SLC6A3: variants seen among roughly 807,000 people sequenced by gnomAD.
SLC6A3 encodes sodium-dependent dopamine transporter.
In SLC6A3, 19 loss-of-function variants were observed where a neutral mutation model predicts 70.4. The ratio of observed to expected loss-of-function variants is 0.27; its 90% CI spans 0.19 to 0.40. The LOEUF (loss-of-function observed/expected upper bound fraction) is 0.40, where lower values mean the gene tolerates loss of function less well. SLC6A3 is among the 10% of genes least tolerant of loss of function. SLC6A3 has a pLI of 1.00. For missense variants in SLC6A3, 613 were observed against 838.5 expected (o/e 0.73, Z 3.32); for synonymous variants, 368 against 356.6 (o/e 1.03, Z -0.36).
chr5:1,414,500 G>GTGGGGGGCCGGGAGGGGCAGGGCAGA (rs1756224140), intron 8 of SLC6A3, among the ~76,000 whole-genome samples, 191 bp downstream of exon 8: 1 of 145,238 alleles, frequency 6.9e-6, no homozygotes. Flanking sequence ...GTCAGGGCGG[G>GTGGGGGGCCGGGAGGGGCAGGGCAGA]GAAGGCGCTG....
Position 1,421,902 on chromosome 5 carries a change from A to G in SLC6A3, c.766T>C (p.Trp256Arg). 6.2e-7 allele frequency: 1 copy of G among 1,613,222 alleles called. No individual in the cohort carries two copies. Among genetic ancestry groups the G allele is most frequent in the Non-Finnish European group, 8.5e-7 (1 of 1,179,996 alleles). ...TTCCCTGAGGTCTTCACGCCCTTCC[A>G]GAGGCTGAAGTAGAGCAGCACGATG... ...LVIVLLYFSLWKGVKTSGKVV... is the reference protein window; with the variant it reads ...LVIVLLYFSLRKGVKTSGKVV... Residue 256 changes from tryptophan (W) to arginine (R), a missense_variant, in exon 5 of 15, where the codon TGG becomes CGG. Trp to Arg is a moderately radical substitution (Grantham distance 101, BLOSUM62 -3). Coordinates refer to ENST00000270349, the MANE Select transcript of SLC6A3 (RefSeq NM_001044.5). The surrounding 1 kb of genome is among the most constrained non-coding windows in gnomAD (Gnocchi z 7.2).
Position 1,409,133 on chromosome 5 carries a change from A to AGAGGG in SLC6A3, c.1399-13_1399-9dup. On this transcript the variant is annotated splice_polypyrimidine_tract_variant and intron_variant, in intron 10 of 14. Coordinates refer to ENST00000270349, the MANE Select transcript of SLC6A3 (RefSeq NM_001044.5). ...GAAGACGTAGATGCCACCCTGGAAGAGAGGGGAGCCTGTGGACCTACAGAA... is the reference window on the plus strand; with the variant it reads ...GAAGACGTAGATGCCACCCTGGAAGAGAGGGGAGGGGAGCCTGTGGACCTACAGAA... 6.3e-7 allele frequency: 1 copy of AGAGGG among 1,598,974 alleles called. No individual in the cohort carries two copies. The highest frequency in any genetic ancestry group is 8.5e-7 in the Non-Finnish European group (1 of 1,171,252).
chr5:1,435,764 C>A (rs555184866), intron 3 of SLC6A3, among the ~76,000 whole-genome samples: 1 of 136,682 alleles, frequency 7.3e-6, no homozygotes, highest in East Asian at 2.2e-4. Flanking sequence ...CCCTGGGCAC[C>A]TGGGTGAGGA....
At chr5:1,419,274 A>G (rs1417438711) in intron 6 of SLC6A3, among the ~76,000 whole-genome samples, 2 of 147,230 alleles carry the variant, frequency 1.4e-5, no homozygotes. Flanking sequence ...TATCCATTCT[A>G]TCTACCCACC....
rs1487416421 is a variant in SLC6A3 at position 1,403,133 on chromosome 5, G to A, written c.1600-44C>T. ...GAGGTCAGGCAGCTCTCAGCCGGCG[G>A]TGCCAGGACAAAGCAGGGAGCGGGC... On this transcript the variant is annotated intron_variant, in intron 12 of 14. Transcript: ENST00000270349. 12 of 1,603,110 alleles carry A rather than the reference G, an allele frequency of 7.5e-6. No homozygotes were observed. The East Asian group carries it at 1.1e-4, about 15-fold the overall frequency.
Position 1,421,554 on chromosome 5 carries a change from C to T in SLC6A3, c.792+322G>A, listed in dbSNP as rs541292670. On this transcript the variant is annotated intron_variant, in intron 5 of 14. Transcript: ENST00000270349. The surrounding 1 kb of genome is among the most constrained non-coding windows in gnomAD (Gnocchi z 7.2). ...ACACAGCCACACGTGGACCCAAAACCCAACTGTGCCGTGTGTCCGCCCAGC... is the reference window on the plus strand; with the variant it reads ...ACACAGCCACACGTGGACCCAAAACTCAACTGTGCCGTGTGTCCGCCCAGC... Among the ~76,000 whole-genome samples, 1 of 152,300 alleles carries T rather than the reference C, an allele frequency of 6.6e-6. No homozygotes were observed. The highest frequency in any genetic ancestry group is 2.4e-5 in the African/African-American group (1 of 41,560).
rs773452048 is a variant in SLC6A3, at chr5:1,442,944, C to T, written c.254G>A (p.Arg85Gln). The T allele has an allele frequency of 1.2e-6, 2 of 1,614,194 alleles. No individual in the cohort carries two copies. Among genetic ancestry groups the T allele is most frequent in the Non-Finnish European group, 1.7e-6 (2 of 1,180,030 alleles). ...ATTTTTGTAGCACAGGTAGGGGAACCGCCAGACGTTGGCCAGGTCCACAGC... is the reference window on the plus strand; with the variant it reads ...ATTTTTGTAGCACAGGTAGGGGAACTGCCAGACGTTGGCCAGGTCCACAGC... ...GFAVDLANVW[R>Q]FPYLCYKNGG... The change falls in exon 2 of 15, where the codon CGG (arginine) becomes CAG (glutamine). Residue 85 changes from arginine (R) to glutamine (Q), a missense_variant. Physicochemically the swap from Arg to Gln is conservative, Grantham distance 43. Transcript: ENST00000270349. This position sits in a 1 kb window ranked among gnomAD's most constrained non-coding sequence, Gnocchi z 5.0.
intron 6 of SLC6A3, among the ~76,000 whole-genome samples, chr5:1,416,863 A>G (rs1756309048): frequency 6.6e-6 from 1 of 152,044 alleles, no homozygotes; most frequent in South Asian, 2.1e-4. Context: ...CACACATGAC[A>G]TGACCGCAGC....
At chr5:1,426,345 C>A (rs978389117) in intron 4 of SLC6A3, among the ~76,000 whole-genome samples, 2 of 152,004 alleles carry the variant, frequency 1.3e-5, no homozygotes, top group Admixed American at 1.3e-4. Flanking sequence ...TTAAGACAGG[C>A]CTGGGCAACA....
chr5:1,412,357 G>C (rs1364635486), intron 8 of SLC6A3, among the ~76,000 whole-genome samples: 1 of 152,246 alleles, frequency 6.6e-6, no homozygotes, highest in African/African-American at 2.4e-5. Flanking sequence ...ACATCCTGAT[G>C]GATACAGGGG....
At chr5:1,395,236 C>T (rs891167792) in intron 14 of SLC6A3, among the ~76,000 whole-genome samples, 11 of 152,192 alleles carry the variant, frequency 7.2e-5, no homozygotes, top group Admixed American at 6.5e-5. Context: ...CTCTGCGACC[C>T]GCGCGGGCGC....
rs1366542803 is a variant in SLC6A3, at chr5:1,393,701, G to T, written c.*1034C>A. On this transcript the variant is annotated 3_prime_UTR_variant, in exon 15 of 15. Coordinates refer to ENST00000270349, the MANE Select transcript of SLC6A3 (RefSeq NM_001044.5). ...GCGTCCTGGGGTAGTACACGCTCCT[G>T]TGGGGGCCCTGCATGCGTCCGGTCC... is the stretch of plus-strand genomic sequence containing the variant. 1.5e-5 allele frequency: 2 copies of T among 135,370 alleles called. No homozygotes were observed. Among genetic ancestry groups the T allele is most frequent in the Non-Finnish European group, 3.2e-5 (2 of 62,670 alleles). 8.4% of individuals were successfully genotyped at this position (135,370 alleles called of 1,614,324 possible). A position where few individuals can be genotyped will look rare whatever the true frequency, so the allele number is the denominator to read the frequency against.
chr5:1,441,836 C>A (rs28382226), intron 2 of SLC6A3, among the ~76,000 whole-genome samples: 1 of 152,302 alleles, frequency 6.6e-6, no homozygotes. Flanking sequence ...TGCGTCCCCC[C>A]ACTTTGCCCT....
Position 1,422,622 on chromosome 5 carries a change from G to A in SLC6A3, c.654-608C>T, listed in dbSNP as rs71595039. 6.8e-4 allele frequency among the ~76,000 whole-genome samples: 42 copies of A among 61,380 alleles called. 3 individuals carry two copies. The highest frequency in any genetic ancestry group is 1.9e-3 in the African/African-American group (23 of 11,904). 40.3% of individuals were successfully genotyped at this position (61,380 alleles called of 152,430 possible). ...CCCAGTGCTGCCCATGGTGCTGGGT[G>A]CCCACCGCTGCCCAGTGCTGCCCAT... On this transcript the variant is annotated intron_variant, in intron 4 of 14. Transcript: ENST00000270349.
chr5:1,411,759 C>T lies in SLC6A3; in HGVS notation c.1157-404G>A, dbSNP rs572225115. Among the ~76,000 whole-genome samples, 1 of 151,742 alleles carries T rather than the reference C, an allele frequency of 6.6e-6. No individual in the cohort carries two copies. The highest frequency in any genetic ancestry group is 1.9e-4 in the East Asian group (1 of 5,162). On this transcript the variant is annotated intron_variant, in intron 8 of 14. Transcript: ENST00000270349. The surrounding 1 kb of genome is among the most constrained non-coding windows in gnomAD (Gnocchi z 6.5). ...TTTCCTGCACATACCATGCAACATA[C>T]ACACTCAGACACACATACCATGCAA...
In SLC6A3 at chr5:1,402,663, T is replaced by TGCACACACAGACACAC. The variant is rs1755876930; in HGVS notation, c.1767+243_1767+258dup. The stretch of plus-strand genomic sequence containing the variant: ...ACAGGCACAAGCACACACAGACACA[T>TGCACACACAGACACAC]GCACACACAGACACACACAGACATG... On this transcript the variant is annotated intron_variant, in intron 13 of 14. Transcript: ENST00000270349. This position sits in a 1 kb window ranked among gnomAD's most constrained non-coding sequence, Gnocchi z 8.5. Among the ~76,000 whole-genome samples, 1 of 151,818 alleles carries TGCACACACAGACACAC rather than the reference T, an allele frequency of 6.6e-6. No homozygotes were observed. Among genetic ancestry groups the TGCACACACAGACACAC allele is most frequent in the Non-Finnish European group, 1.5e-5 (1 of 67,968 alleles).
chr5:1,394,402 A>AGAGCCGG lies in SLC6A3; in HGVS notation c.*326_*332dup. ...AACACAGTGCCCCTGGGGCAGCCTCAGAGCCGGGAGCAGGGAGCAGGGAGG... is the reference window on the plus strand; with the variant it reads ...AACACAGTGCCCCTGGGGCAGCCTCAGAGCCGGGAGCCGGGAGCAGGGAGCAGGGAGG... On this transcript the variant is annotated 3_prime_UTR_variant, in exon 15 of 15. Transcript: ENST00000270349. This position sits in a 1 kb window ranked among gnomAD's most constrained non-coding sequence, Gnocchi z 4.7. 6 of 491,882 alleles carry AGAGCCGG rather than the reference A, an allele frequency of 1.2e-5. No individual in the cohort carries two copies. Among genetic ancestry groups the AGAGCCGG allele is most frequent in the Non-Finnish European group, 2.2e-5 (6 of 270,640 alleles). 30.5% of individuals were successfully genotyped at this position (491,882 alleles called of 1,614,324 possible). A position where few individuals can be genotyped will look rare whatever the true frequency, so the allele number is the denominator to read the frequency against.
At chr5:1,403,440 G>T (rs1161719149) in intron 12 of SLC6A3, among the ~76,000 whole-genome samples, 2 of 125,356 alleles carry the variant, frequency 1.6e-5, no homozygotes, top group African/African-American at 6.1e-5. Flanking sequence ...ATCCCATCCT[G>T]TTCTATCCCC....
At position 1,393,310 on chromosome 5, in the gene SLC6A3, T is replaced by C. The variant is rs1755625228; in HGVS notation, c.*1425A>G. The stretch of plus-strand genomic sequence containing the variant: ...GTCAGTGGCAGAGGGCAGTGTGCCA[T>C]GGAAAGCAGCTTTTGGCCAACATCC... On this transcript the variant is annotated 3_prime_UTR_variant, in exon 15 of 15. Transcript: ENST00000270349. 6.6e-6 allele frequency: 1 copy of C among 152,262 alleles called. No individual in the cohort carries two copies. Among genetic ancestry groups the C allele is most frequent in the Admixed American group, 6.5e-5 (1 of 15,288 alleles). 9.4% of individuals were successfully genotyped at this position (152,262 alleles called of 1,614,324 possible). A position where few individuals can be genotyped will look rare whatever the true frequency, so the allele number is the denominator to read the frequency against.
Sources: gnomAD v4.1 joint callset for allele counts (sites outside exome capture counted in the v4.1 genomes callset) on GRCh38, gnomAD v4.1.1 for gene constraint, Gnocchi (gnomAD v3.1) non-coding constraint, MANE v1.5 for transcripts, NCBI Gene and HGNC (gene_info 2026-07-23, HGNC 2026-07-21) for gene names.